Variants in CHD1L observed in about 807,000 individuals in gnomAD.
CHD1L encodes ATP-dependent chromatin remodeler CHD1L.
In CHD1L, 118 loss-of-function variants were observed where a neutral mutation model predicts 115.9. That is an observed-to-expected ratio of 1.02 (90% CI 0.88 to 1.19). CHD1L has a LOEUF of 1.19. Ranked by LOEUF, CHD1L falls within the 50% of genes most tolerant of loss-of-function variation. The pLI is 0.00. For synonymous variants in CHD1L, 411 were observed against 387.1 expected (o/e 1.06, Z -0.72); for missense variants, 1,179 against 1,065.3 (o/e 1.11, Z -1.49).
Position 147,284,338 on chromosome 1 carries a change from TTTATG to T in CHD1L, c.1706-10_1706-6del. ...GTATCTAACATTTCTCTCTTTGTGT[TTTATG>T]TTGTTAGAAAATCATATGTACTTAT... On this transcript the variant is annotated splice_region_variant and splice_polypyrimidine_tract_variant and intron_variant, in intron 15 of 22. Coordinates refer to ENST00000369258, the MANE Select transcript of CHD1L (RefSeq NM_004284.6). 3 of 1,544,488 alleles carry T rather than the reference TTTATG, an allele frequency of 1.9e-6. No homozygotes were observed. The highest frequency in any genetic ancestry group is 2.6e-6 in the Non-Finnish European group (3 of 1,141,092).
the CHD1L span, chr1:147,201,150 A>G: frequency 4.4e-6 from 7 of 1,601,408 alleles, no homozygotes; most frequent in South Asian, 6.7e-5. Flanking sequence ...ATGGTCACTT[A>G]CCTTTAAATA....
chr1:147,260,773 C>T (rs1671653164), intron 6 of CHD1L: 1 of 152,178 alleles, frequency 6.6e-6, no homozygotes, highest in Admixed American at 6.5e-5. Flanking sequence ...GAGCATAATA[C>T]ACTTGCTTTC....
At position 147,261,401 on chromosome 1, in the gene CHD1L, C is replaced by CT. The variant is rs201084245; in HGVS notation, c.576+1495dup. Among the ~76,000 whole-genome samples, 1,279 of 129,008 alleles carry CT rather than the reference C, an allele frequency of 9.9e-3. 9 individuals carry two copies. Among genetic ancestry groups the CT allele is most frequent in the Middle Eastern group, 0.02 (5 of 248 alleles). The allele number at this position is 129,008 out of a possible 152,430, so 84.6% of individuals were successfully genotyped here. The stretch of plus-strand genomic sequence containing the variant: ...CAAGCTATCCAAATGCTGCATGACA[C>CT]TTTTTTTTTTTTATATATAAAGGCC... On this transcript the variant is annotated intron_variant, in intron 6 of 22. Coordinates refer to ENST00000369258, the MANE Select transcript of CHD1L (RefSeq NM_004284.6).
chr1:147,274,830 G>C (rs189868309), intron 12 of CHD1L, among the ~76,000 whole-genome samples: 1 of 152,108 alleles, frequency 6.6e-6, no homozygotes, highest in South Asian at 2.1e-4. Context: ...CTAATCAGAG[G>C]GAGGAGGTTT....
intron 14 of CHD1L, among the ~76,000 whole-genome samples, chr1:147,278,161 A>G (rs888261832): frequency 4.6e-5 from 7 of 150,644 alleles, no homozygotes; most frequent in Admixed American, 6.6e-5. Flanking sequence ...AGCAAAGGTG[A>G]TAACCCAGAG....
Position 147,286,315 on chromosome 1 carries a change from C to T in CHD1L, c.2036C>T (p.Ser679Phe). Residue 679 changes from serine to phenylalanine, a missense_variant, in exon 18 of 23, where the codon TCC becomes TTC. By Grantham distance (155) the Ser-to-Phe change is radical. Coordinates refer to ENST00000369258, the MANE Select transcript of CHD1L (RefSeq NM_004284.6). Reference sequence around the variant, plus strand: ...TGCTAAAGGATGGCCTGGTGGGAATCCAACAATTACCAGTCCTTCTGCCTG... The same window carrying T: ...TGCTAAAGGATGGCCTGGTGGGAATTCAACAATTACCAGTCCTTCTGCCTG... ...EHKKKMAWWE[S>F]NNYQSFCLPS... is the part of the protein sequence containing the mutation. 1 of 1,613,964 alleles carries T rather than the reference C, an allele frequency of 6.2e-7. No homozygotes were observed. The highest frequency in any genetic ancestry group is 1.3e-5 in the African/African-American group (1 of 75,040).
At chr1:147,225,184 C>T in the CHD1L span, 2 of 1,472,134 alleles carry the variant, frequency 1.4e-6, no homozygotes, top group East Asian at 4.9e-5. Context: ...AGGACAGATT[C>T]GACGGTCCTC....
At chr1:147,231,514 G>C in the CHD1L span, among the ~76,000 whole-genome samples, 2 of 152,154 alleles carry the variant, frequency 1.3e-5, no homozygotes, top group African/African-American at 4.8e-5. Flanking sequence ...CTGTAGATGT[G>C]TATTAAGTCC....
Position 147,295,555 on chromosome 1 carries a change from T to G in CHD1L, c.*46T>G, listed in dbSNP as rs587695472. On this transcript the variant is annotated 3_prime_UTR_variant, in exon 23 of 23. Transcript: ENST00000369258. ...CCTGTCTTTAGCAACCAGCTAATATTTACCCAGAGGTACTGCAATAGAGTA... is the reference window on the plus strand; with the variant it reads ...CCTGTCTTTAGCAACCAGCTAATATGTACCCAGAGGTACTGCAATAGAGTA... 4 of 1,382,604 alleles carry G rather than the reference T, an allele frequency of 2.9e-6. No homozygotes were observed. Among genetic ancestry groups the G allele is most frequent in the South Asian group, 2.4e-5 (2 of 84,614 alleles). The allele number at this position is 1,382,604 out of a possible 1,614,324, so 85.6% of individuals were successfully genotyped here.
chr1:147,204,284 CTGAAGAGGAAG>C, the CHD1L span: 1 of 991,484 alleles, frequency 1.0e-6, no homozygotes, highest in Middle Eastern at 2.0e-4. Context: ...CCATGCAATA[CTGAAGAGGAAG>C]TGATACCACA....
At chr1:147,249,715 T>C (rs1007575957) in intron 1 of CHD1L, among the ~76,000 whole-genome samples, 2 of 152,206 alleles carry the variant, frequency 1.3e-5, no homozygotes, top group South Asian at 2.1e-4. Flanking sequence ...TGTTTTGTTA[T>C]GTTTGCGGTT....
the CHD1L span, among the ~76,000 whole-genome samples, chr1:147,177,869 G>A: frequency 6.6e-6 from 1 of 152,122 alleles, no homozygotes; most frequent in Admixed American, 6.6e-5. Flanking sequence ...TCAAACTTGA[G>A]TATGAAACTT....
At chr1:147,280,417 A>T (rs587625346) in intron 15 of CHD1L, among the ~76,000 whole-genome samples, 3 of 152,348 alleles carry the variant, frequency 2.0e-5, no homozygotes, top group African/African-American at 4.8e-5. Context: ...CCAAAATCAT[A>T]GTATTAATGT....
chr1:147,231,096 G>A, the CHD1L span, among the ~76,000 whole-genome samples: 14 of 152,064 alleles, frequency 9.2e-5, no homozygotes, highest in Admixed American at 6.6e-4. Flanking sequence ...TAATTGTGAC[G>A]TTAGGGTGTC....
the CHD1L span, chr1:147,184,718 A>T: frequency 7.5e-7 from 1 of 1,338,216 alleles, no homozygotes; most frequent in South Asian, 2.1e-5. The surrounding 1 kb of genome is among the most constrained non-coding windows in gnomAD (Gnocchi z 4.4). Flanking sequence ...TATCAGTGTG[A>T]CTTATTACTG....
At chr1:147,285,296 C>T (rs1553964579) in intron 16 of CHD1L, 28 bp from the exon 17 acceptor site, 3 of 1,598,986 alleles carry the variant, frequency 1.9e-6, no homozygotes, top group Non-Finnish European at 2.6e-6. Context: ...CTTCTTGACC[C>T]TGGTGATGGA....
chr1:147,295,016 CTAA>C (rs1456915088), intron 22 of CHD1L, among the ~76,000 whole-genome samples: 1 of 151,910 alleles, frequency 6.6e-6, no homozygotes, highest in Non-Finnish European at 1.5e-5. Flanking sequence ...GCGTTTTCTT[CTAA>C]TGACCTCCTT....
intron 18 of CHD1L, among the ~76,000 whole-genome samples, chr1:147,287,361 T>C (rs1027444022): frequency 6.6e-6 from 1 of 152,250 alleles, no homozygotes; most frequent in Admixed American, 6.5e-5. Context: ...CGCAGTCATT[T>C]GCCAGGAATC....
chr1:147,290,765 C>T (rs1685206117), intron 19 of CHD1L, among the ~76,000 whole-genome samples: 1 of 151,934 alleles, frequency 6.6e-6, no homozygotes, highest in South Asian at 2.1e-4. Flanking sequence ...GAGATCCTCC[C>T]ACCTCAGCCT....
Sources: gnomAD v4.1 joint callset for allele counts (sites outside exome capture counted in the v4.1 genomes callset) on GRCh38, gnomAD v4.1.1 for gene constraint, Gnocchi (gnomAD v3.1) non-coding constraint, MANE v1.5 for transcripts, NCBI Gene and HGNC (gene_info 2026-07-23, HGNC 2026-07-21) for gene names.